The following ABCB5 variants were observed in gnomAD, a reference collection of about 807,000 sequenced individuals.
ABCB5 encodes the protein ATP-binding cassette sub-family B member 5.
ABCB5 carries 155 observed loss-of-function variants against 144.2 expected under a neutral mutation model. The observed-to-expected ratio is 1.08, with a 90% confidence interval of 0.94 to 1.23. The LOEUF (loss-of-function observed/expected upper bound fraction) is 1.23, where lower values mean the gene tolerates loss of function less well. Ranked by LOEUF, ABCB5 falls within the 50% of genes most tolerant of loss-of-function variation. ABCB5 has a pLI of 0.00. For synonymous variants in ABCB5, 610 were observed against 528.6 expected, an observed-to-expected ratio of 1.15 and a Z score of -2.11; for missense variants, 1,830 against 1,520.8, an observed-to-expected ratio of 1.20 and a Z score of -3.38.
Position 20,709,728 on chromosome 7 carries a change from CT to C in ABCB5, c.2421+4922del, listed in dbSNP as rs113157681. ...GTGGCACATATGGTTTCTCTAGCAG[CT>C]ACCATCACTATAACCTAAGACAGCC... On this transcript the variant is annotated intron_variant, in intron 20 of 27. Transcript: ENST00000404938. 4.1e-4 allele frequency among the ~76,000 whole-genome samples: 62 copies of C among 150,040 alleles called. 7 individuals carry two copies. The highest frequency in any genetic ancestry group is 1.5e-3 in the African/African-American group (62 of 40,652).
intron 14 of ABCB5, among the ~76,000 whole-genome samples, chr7:20,673,715 A>G (rs565853063): frequency 9.2e-5 from 14 of 152,060 alleles, no homozygotes; most frequent in African/African-American, 3.4e-4. Context: ...ATTCAAACTG[A>G]AAATCTCTGA....
At chr7:20,754,660 G>A (rs904161504) in intron 27 of ABCB5, among the ~76,000 whole-genome samples, 2 of 152,090 alleles carry the variant, frequency 1.3e-5, no homozygotes, top group Admixed American at 6.6e-5. Context: ...CAAAATCTAT[G>A]AGAGAAAATT....
chr7:20,656,906 CTTTTTCT>C (rs369526348), intron 13 of ABCB5, among the ~76,000 whole-genome samples: 6,517 of 135,518 alleles, frequency 0.048, 493 homozygotes, highest in African/African-American at 0.16. Flanking sequence ...TTTCTTTTTC[CTTTTTCT>C]TTTTTTTTTT....
At chr7:20,719,156 A>C (rs1284360365) in intron 20 of ABCB5, among the ~76,000 whole-genome samples, 3 of 152,102 alleles carry the variant, frequency 2.0e-5, no homozygotes, top group Non-Finnish European at 2.9e-5. Context: ...TTTTCTAATG[A>C]TCCTGTTTTC....
intron 26 of ABCB5, among the ~76,000 whole-genome samples, chr7:20,751,758 A>C (rs1782937698): frequency 6.6e-6 from 1 of 152,178 alleles, no homozygotes; most frequent in South Asian, 2.1e-4. Context: ...AACGGCAGAC[A>C]CAGTTTTATC....
intron 14 of ABCB5, among the ~76,000 whole-genome samples, chr7:20,676,833 T>G (rs575982686): frequency 6.6e-6 from 1 of 152,248 alleles, no homozygotes; most frequent in South Asian, 2.1e-4. Flanking sequence ...ATGAAGAATA[T>G]AAGACTTAGG....
At chr7:20,667,456 T>A (rs967217149) in intron 14 of ABCB5, 1 of 984,974 alleles carries the variant, frequency 1.0e-6, no homozygotes, top group Non-Finnish European at 1.2e-6. Context: ...AGTTGCAACC[T>A]TTTAATTGTT....
At chr7:20,703,419 C>T (rs142165703) in intron 19 of ABCB5, among the ~76,000 whole-genome samples, 93 of 152,264 alleles carry the variant, frequency 6.1e-4, no homozygotes, top group African/African-American at 2.1e-3. Context: ...ATCTAGGACC[C>T]GAAGCTCATG....
chr7:20,753,184 TA>T (rs1562594612), intron 26 of ABCB5, among the ~76,000 whole-genome samples, 175 bp from the exon 27 acceptor site: 1 of 152,224 alleles, frequency 6.6e-6, no homozygotes, highest in Admixed American at 6.5e-5. Flanking sequence ...TGGTAGTGTT[TA>T]CTGCGGCTTT....
At chr7:20,674,749 TACACAC>T (rs71555815) in intron 14 of ABCB5, among the ~76,000 whole-genome samples, 80 of 140,334 alleles carry the variant, frequency 5.7e-4, no homozygotes, top group East Asian at 5.2e-3. Context: ...CTCTAAAGAC[TACACAC>T]ACACACACAC....
At chr7:20,657,620 G>A (rs763167268) in intron 13 of ABCB5, among the ~76,000 whole-genome samples, 2 of 152,136 alleles carry the variant, frequency 1.3e-5, no homozygotes, top group Non-Finnish European at 2.9e-5. Flanking sequence ...GCATGGTATG[G>A]GTTTTGACTG....
intron 5 of ABCB5, among the ~76,000 whole-genome samples, chr7:20,636,863 A>G (rs1784169933): frequency 2.0e-5 from 3 of 151,734 alleles, no homozygotes. Flanking sequence ...CTATTAATGT[A>G]TTCAGTATGT....
chr7:20,641,351 AAAC>A (rs374576593), intron 5 of ABCB5, among the ~76,000 whole-genome samples: 10,269 of 130,632 alleles, frequency 0.079, 1,043 homozygotes, highest in African/African-American at 0.26. Context: ...TATTATTGCA[AAAC>A]ACACACACAC....
At position 20,732,708 on chromosome 7, in the gene ABCB5, G is replaced by A. The variant is rs540380041; in HGVS notation, c.2867+4253G>A. Among the ~76,000 whole-genome samples, 4 of 152,242 alleles carry A rather than the reference G, an allele frequency of 2.6e-5. No individual in the cohort carries two copies. The South Asian group carries it at 8.3e-4, about 32-fold the overall frequency. ...ATGTCTAATACCAGGTGCTTTGGCA[G>A]GAGGACTGGATCTAAATCGAGGGCA... On this transcript the variant is annotated intron_variant, in intron 23 of 27. Coordinates refer to ENST00000404938, the MANE Select transcript of ABCB5 (RefSeq NM_001163941.2).
chr7:20,742,203 A>G (rs1158464457), intron 24 of ABCB5, among the ~76,000 whole-genome samples: 1 of 152,024 alleles, frequency 6.6e-6, no homozygotes, highest in Non-Finnish European at 1.5e-5. Context: ...GTGAAAACCC[A>G]TCTCTACTAA....
intron 14 of ABCB5, among the ~76,000 whole-genome samples, chr7:20,660,916 C>A (rs1464069539): frequency 6.6e-6 from 1 of 152,136 alleles, no homozygotes; most frequent in Non-Finnish European, 1.5e-5. Flanking sequence ...AGTTCTAGAA[C>A]CTGTGAAACC....
At chr7:20,725,048 T>C (rs1583453161) in intron 21 of ABCB5, among the ~76,000 whole-genome samples, 2 of 152,228 alleles carry the variant, frequency 1.3e-5, no homozygotes, top group East Asian at 3.8e-4. Flanking sequence ...ATCTTATTTT[T>C]TATGTCATGA....
intron 17 of ABCB5, among the ~76,000 whole-genome samples, chr7:20,699,167 T>C (rs1786522284): frequency 6.6e-6 from 1 of 152,196 alleles, no homozygotes; most frequent in Non-Finnish European, 1.5e-5. Flanking sequence ...ACTAGAAGAC[T>C]ACTAAGAAAC....
At chr7:20,657,557 G>C (rs1784849398) in intron 13 of ABCB5, among the ~76,000 whole-genome samples, 1 of 152,176 alleles carries the variant, frequency 6.6e-6, no homozygotes, top group Non-Finnish European at 1.5e-5. Flanking sequence ...TAAAGTTCTA[G>C]ATCCAGGAAA....
Sources: gnomAD v4.1 joint callset for allele counts (sites outside exome capture counted in the v4.1 genomes callset) on GRCh38, gnomAD v4.1.1 for gene constraint, MANE v1.5 for transcripts, NCBI Gene and HGNC (gene_info 2026-07-23, HGNC 2026-07-21) for gene names.